Variants in MCTP1 observed in about 807,000 individuals in gnomAD.
MCTP1 encodes the protein multiple C2 and transmembrane domain-containing protein 1.
In MCTP1, 69 loss-of-function variants were observed where a neutral mutation model predicts 120.6. The observed-to-expected ratio is 0.57, with a 90% CI of 0.47 to 0.70. The LOEUF is 0.70. Ranked by LOEUF, MCTP1 falls within the 30% of genes least tolerant of loss-of-function variation. The pLI is 0.00. For synonymous variants in MCTP1, 529 were observed against 493.1 expected (o/e 1.07, Z -0.96); for missense variants, 1,203 against 1,248.8 (o/e 0.96, Z 0.55).
intron 1 of MCTP1, among the ~76,000 whole-genome samples, chr5:95,142,088 C>T (rs1268726907): frequency 3.3e-5 from 5 of 152,158 alleles, no homozygotes; most frequent in Non-Finnish European, 7.4e-5. Context: ...CTCAGATGAA[C>T]TTGACATAAG....
chr5:95,063,755 C>T (rs1387062199), intron 1 of MCTP1, among the ~76,000 whole-genome samples: 1 of 152,164 alleles, frequency 6.6e-6, no homozygotes, highest in Non-Finnish European at 1.5e-5. Context: ...CAGCACCACA[C>T]CTGGCTAATT....
At position 95,131,124 on chromosome 5, in the gene MCTP1, C is replaced by T. The variant is rs150970229; in HGVS notation, c.721-113640G>A. On this transcript the variant is annotated intron_variant, in intron 1 of 22. Transcript: ENST00000515393. ...TTTGCCCCACTGAAATACTCTCAGG[C>T]TCTTTGGTGGTAACAGAGCAACAAA... Among the ~76,000 whole-genome samples, 779 of 152,248 alleles carry T rather than the reference C, an allele frequency of 5.1e-3. 8 individuals carry two copies. The highest frequency in any genetic ancestry group is 6.2e-3 in the Non-Finnish European group (425 of 68,022).
intron 19 of MCTP1, among the ~76,000 whole-genome samples, chr5:94,767,082 T>C (rs1273548725): frequency 2.0e-5 from 3 of 152,250 alleles, no homozygotes; most frequent in Admixed American, 2.0e-4. Context: ...CATGATCAAG[T>C]TGGATTTATC....
intron 1 of MCTP1, among the ~76,000 whole-genome samples, chr5:95,233,111 C>A (rs1358693643): frequency 2.0e-5 from 3 of 152,166 alleles, no homozygotes; most frequent in African/African-American, 4.8e-5. Flanking sequence ...CCTGACCTGA[C>A]ATTTGTTGAA....
intron 17 of MCTP1, among the ~76,000 whole-genome samples, chr5:94,849,471 A>G (rs1194467716): frequency 2.6e-5 from 4 of 151,870 alleles, no homozygotes; most frequent in Non-Finnish European, 5.9e-5. Context: ...TCTAACTCCT[A>G]TTCATCCTCT....
chr5:95,072,081 C>CTGTG lies in MCTP1; in HGVS notation c.721-54601_721-54598dup, dbSNP rs56135843. Among the ~76,000 whole-genome samples, 450 of 143,824 alleles carry CTGTG rather than the reference C, an allele frequency of 3.1e-3. 9 individuals carry two copies. Among genetic ancestry groups the CTGTG allele is most frequent in the Middle Eastern group, 0.021 (6 of 286 alleles). The allele number at this position is 143,824 out of a possible 152,430, so 94.4% of individuals were successfully genotyped here. ...CTAATATGAAACAATGCCAATTTTC[C>CTGTG]TGTGTGTGTGTGTGTGTGTGTGTGT... On this transcript the variant is annotated intron_variant, in intron 1 of 22. Coordinates refer to ENST00000515393, the MANE Select transcript of MCTP1 (RefSeq NM_024717.7).
intron 17 of MCTP1, among the ~76,000 whole-genome samples, chr5:94,844,512 C>G (rs1791881377): frequency 6.6e-6 from 1 of 152,022 alleles, no homozygotes; most frequent in Admixed American, 6.6e-5. Context: ...TACAGCTACA[C>G]TCATCCACTC....
At chr5:95,101,349 A>G (rs1010592432) in intron 1 of MCTP1, among the ~76,000 whole-genome samples, 2 of 152,262 alleles carry the variant, frequency 1.3e-5, no homozygotes, top group African/African-American at 4.8e-5. Context: ...TTTCCTGTTG[A>G]GATACAGAAT....
chr5:95,260,371 T>G (rs1758362349), intron 1 of MCTP1, among the ~76,000 whole-genome samples: 1 of 152,166 alleles, frequency 6.6e-6, no homozygotes, highest in African/African-American at 2.4e-5. Flanking sequence ...CAAGTTGACC[T>G]TTTTGTGTTC....
intron 12 of MCTP1, among the ~76,000 whole-genome samples, chr5:94,878,914 G>C (rs1462774457): frequency 2.0e-5 from 3 of 152,144 alleles, no homozygotes; most frequent in Admixed American, 1.3e-4. Context: ...GATTTAATTG[G>C]GGTGGTCAGA....
At chr5:95,217,917 C>G (rs1285603846) in intron 1 of MCTP1, among the ~76,000 whole-genome samples, 4 of 152,056 alleles carry the variant, frequency 2.6e-5, no homozygotes, top group Non-Finnish European at 5.9e-5. Flanking sequence ...GATCCTGGAC[C>G]TCTTATTATT....
chr5:94,851,425 C>T (rs1404468441), intron 17 of MCTP1, among the ~76,000 whole-genome samples: 1 of 151,964 alleles, frequency 6.6e-6, no homozygotes, highest in Non-Finnish European at 1.5e-5. Flanking sequence ...GTTAGAGATG[C>T]TAAATCACAC....
chr5:95,055,022 C>A (rs1161928054), intron 1 of MCTP1, among the ~76,000 whole-genome samples: 1 of 152,036 alleles, frequency 6.6e-6, no homozygotes, highest in Non-Finnish European at 1.5e-5. Context: ...ATGTTGGCCA[C>A]GCTGGTCTCA....
chr5:95,163,284 G>C (rs928524249), intron 1 of MCTP1, among the ~76,000 whole-genome samples: 4 of 152,114 alleles, frequency 2.6e-5, no homozygotes, highest in African/African-American at 4.8e-5. Flanking sequence ...CAGTTCCCAA[G>C]GTGACAGATA....
At chr5:94,923,203 G>A (rs1014044795) in intron 7 of MCTP1, among the ~76,000 whole-genome samples, 23 of 152,124 alleles carry the variant, frequency 1.5e-4, no homozygotes, top group Non-Finnish European at 2.5e-4. Flanking sequence ...AAAGGAAAAT[G>A]GACAAGCCCT....
chr5:94,952,307 C>T (rs1242601826), intron 3 of MCTP1, among the ~76,000 whole-genome samples: 7 of 150,580 alleles, frequency 4.6e-5, no homozygotes, highest in Non-Finnish European at 1.0e-4. Context: ...CTTATGTATA[C>T]TTATGAGATT....
intron 1 of MCTP1, among the ~76,000 whole-genome samples, chr5:95,111,195 A>G (rs896923212): frequency 5.3e-5 from 8 of 152,218 alleles, no homozygotes; most frequent in Non-Finnish European, 1.2e-4. Flanking sequence ...AAATCTTTAA[A>G]TGATGAGTTA....
chr5:95,193,827 T>C (rs544201406), intron 1 of MCTP1, among the ~76,000 whole-genome samples: 2 of 152,320 alleles, frequency 1.3e-5, no homozygotes, highest in Non-Finnish European at 2.9e-5. Context: ...TTCAAGATAA[T>C]AATATTTTAA....
At chr5:95,255,564 A>G (rs1757797029) in intron 1 of MCTP1, among the ~76,000 whole-genome samples, 1 of 152,142 alleles carries the variant, frequency 6.6e-6, no homozygotes, top group Non-Finnish European at 1.5e-5. Context: ...ACCTACCCCT[A>G]TGAATAGGCG....
Sources: gnomAD v4.1 joint callset for allele counts (sites outside exome capture counted in the v4.1 genomes callset) on GRCh38, gnomAD v4.1.1 for gene constraint, MANE v1.5 for transcripts, NCBI Gene and HGNC (gene_info 2026-07-23, HGNC 2026-07-21) for gene names.